The following DMBT1 variants were observed in gnomAD, a reference collection of about 807,000 sequenced individuals.
DMBT1 encodes scavenger receptor cysteine-rich domain-containing protein DMBT1.
In DMBT1, 198 loss-of-function variants were observed where a neutral mutation model predicts 252.9. The ratio of observed to expected loss-of-function variants is 0.78; its 90% confidence interval spans 0.70 to 0.88. DMBT1 has a LOEUF of 0.88. DMBT1 is among the 40% of genes least tolerant of loss of function. DMBT1 has a pLI of 0.00. For synonymous variants in DMBT1, 990 were observed against 942.7 expected (o/e 1.05, Z -0.92); for missense variants, 2,432 against 2,404.7 (o/e 1.01, Z -0.24).
chr10:122,576,373 A>T, intron 6 of DMBT1, 26 bp from the exon 7 acceptor site: 1 of 1,610,538 alleles, frequency 6.2e-7, no homozygotes. Context: ...AGGAATGTGC[A>T]AGAGAAATTC....
rs538079484 is a variant in DMBT1, at chr10:122,629,947, G to C, written c.5776G>C (p.Glu1926Gln). The change falls in exon 47 of 56, where the codon GAA becomes CAA. Residue 1926 changes from glutamate to glutamine, a missense_variant. By Grantham distance (29) the Glu-to-Gln change is conservative (BLOSUM62 2). Coordinates refer to ENST00000338354, the MANE Select transcript of DMBT1 (RefSeq NM_001377530.1). ...CAATGCTAAGTGTGTTTGGGAAATA[G>C]AAGTGAATTCTGGTTATCGCATAAA... ...PNNAKCVWEI[E>Q]VNSGYRINLG... The C allele has an allele frequency of 6.2e-7, 1 of 1,614,022 alleles. No individual in the cohort carries two copies. Among genetic ancestry groups the C allele is most frequent in the African/African-American group, 1.3e-5 (1 of 75,040 alleles).
intron 6 of DMBT1, 92 bp downstream of exon 6, chr10:122,573,854 A>G (rs1385041690): frequency 1.3e-6 from 2 of 1,512,000 alleles, no homozygotes; most frequent in Non-Finnish European, 1.8e-6. Context: ...GAGGGCATAG[A>G]AAGTAGGGTG....
At position 122,635,971 on chromosome 10, in the gene DMBT1, G is replaced by T. The variant is rs1227548395; in HGVS notation, c.6549-20G>T. 1.2e-6 allele frequency: 2 copies of T among 1,613,314 alleles called. No individual in the cohort carries two copies. Among genetic ancestry groups the T allele is most frequent in the South Asian group, 1.1e-5 (1 of 91,048 alleles). ...ATTCTGGGAGGAAATGAAGCCAAATGGTGTGTCCTCTCTCTGCAGGCTTGA... is the reference window on the plus strand; with the variant it reads ...ATTCTGGGAGGAAATGAAGCCAAATTGTGTGTCCTCTCTCTGCAGGCTTGA... On this transcript the variant is annotated intron_variant, in intron 52 of 55. Coordinates refer to ENST00000338354, the MANE Select transcript of DMBT1 (RefSeq NM_001377530.1).
At chr10:122,566,325 C>CTTTT (rs71026026) in intron 2 of DMBT1, among the ~76,000 whole-genome samples, 1 of 148,450 alleles carries the variant, frequency 6.7e-6, no homozygotes, top group Admixed American at 6.7e-5. Flanking sequence ...TTTCTTTTTT[C>CTTTT]TTTTTGAGAT....
intron 24 of DMBT1, among the ~76,000 whole-genome samples, chr10:122,597,656 G>A (rs540533761): frequency 1.3e-5 from 2 of 152,304 alleles, no homozygotes; most frequent in South Asian, 2.1e-4. Flanking sequence ...ATTTTAGCTC[G>A]AGCTAGTAGA....
Position 122,561,828 on chromosome 10 carries a change from C to T in DMBT1, c.61+997C>T, listed in dbSNP as rs192177086. On this transcript the variant is annotated intron_variant, in intron 1 of 55. Transcript: ENST00000338354. The stretch of plus-strand genomic sequence containing the variant: ...ATCAGGCAGTTATTACCTTTCCTCC[C>T]TCCCTCCTCCTCCTTCTCTGTTTCT... Among the ~76,000 whole-genome samples, 303 of 150,824 alleles carry T rather than the reference C, an allele frequency of 2.0e-3. 2 individuals are homozygous for T. Among genetic ancestry groups the T allele is most frequent in the African/African-American group, 6.9e-3 (281 of 40,978 alleles).
chr10:122,624,745 T>C (rs1045656538), intron 44 of DMBT1, among the ~76,000 whole-genome samples: 3 of 152,186 alleles, frequency 2.0e-5, no homozygotes, highest in African/African-American at 7.2e-5. Flanking sequence ...TCCTGGATGA[T>C]GTGTGCTGCT....
chr10:122,641,700 C>T (rs1844558753), intron 55 of DMBT1, among the ~76,000 whole-genome samples: 1 of 152,152 alleles, frequency 6.6e-6, no homozygotes, highest in Non-Finnish European at 1.5e-5. Context: ...CTTAGTTCTT[C>T]CTTGCCAAAG....
intron 44 of DMBT1, among the ~76,000 whole-genome samples, chr10:122,624,089 A>G (rs1591506392): frequency 6.6e-6 from 1 of 152,154 alleles, no homozygotes; most frequent in South Asian, 2.1e-4. Flanking sequence ...AGTCAGCCAG[A>G]GGTGGAGAGG....
chr10:122,637,655 C>T (rs2098238207), intron 54 of DMBT1, among the ~76,000 whole-genome samples: 1 of 152,146 alleles, frequency 6.6e-6, no homozygotes, highest in Non-Finnish European at 1.5e-5. Flanking sequence ...GGGTGAGAGG[C>T]AGGTGTTGAG....
At chr10:122,628,276 A>G (rs2133661577) in intron 46 of DMBT1, among the ~76,000 whole-genome samples, 1 of 152,368 alleles carries the variant, frequency 6.6e-6, no homozygotes, top group Admixed American at 6.5e-5. Context: ...GCAAATGTCC[A>G]TCATGGTGAA....
intron 2 of DMBT1, among the ~76,000 whole-genome samples, chr10:122,569,541 C>T (rs2097641507): frequency 6.6e-6 from 1 of 152,126 alleles, no homozygotes; most frequent in South Asian, 2.1e-4. Context: ...GGCGTGTTCC[C>T]CAAAGAGGAG....
intron 47 of DMBT1, 52 bp downstream of exon 47, chr10:122,630,045 C>T: frequency 6.2e-7 from 1 of 1,605,900 alleles, no homozygotes; most frequent in Non-Finnish European, 8.5e-7. Context: ...GCAGCACACC[C>T]ACTGGTTTAG....
chr10:122,579,076 T>C (rs1412437251), intron 9 of DMBT1, among the ~76,000 whole-genome samples: 2 of 151,996 alleles, frequency 1.3e-5, no homozygotes, highest in African/African-American at 2.4e-5. Context: ...TTAGATGTGA[T>C]ATTGGAGGGT....
chr10:122,598,899 A>C lies in DMBT1; in HGVS notation c.3082A>C (p.Asn1028His), dbSNP rs370180219. 118 of 1,613,796 alleles carry C rather than the reference A, an allele frequency of 7.3e-5. No homozygotes were observed. In the African/African-American group the frequency reaches 1.4e-3, roughly 19 times the overall value. The change falls in exon 26 of 56, where the codon AAT (asparagine) becomes CAT (histidine). Residue 1028 changes from asparagine to histidine, a missense_variant. By Grantham distance (68) the Asn-to-His change is moderately conservative. Transcript: ENST00000338354. ...TGACAGCTGGGACACCAATGATGCCAATGTCGTCTGCAGGCAACTGGGCTG... is the reference window on the plus strand; with the variant it reads ...TGACAGCTGGGACACCAATGATGCCCATGTCGTCTGCAGGCAACTGGGCTG... ...CDDSWDTNDA[N>H]VVCRQLGCGW...
At chr10:122,577,785 C>G in intron 7 of DMBT1, 26 bp from the exon 8 acceptor site, 1 of 1,613,518 alleles carries the variant, frequency 6.2e-7, no homozygotes, top group Non-Finnish European at 8.5e-7. Flanking sequence ...TGTTTGGTGT[C>G]TAATGTTGCT....
chr10:122,632,834 A>G (rs760761449), intron 50 of DMBT1, 27 bp from the exon 51 acceptor site: 33 of 1,612,806 alleles, frequency 2.0e-5, no homozygotes, highest in East Asian at 4.5e-5. Flanking sequence ...CAGAAAACTG[A>G]TCCTGATCTT....
At chr10:122,590,393 A>G (rs1021889123) in intron 17 of DMBT1, among the ~76,000 whole-genome samples, 1 of 148,820 alleles carries the variant, frequency 6.7e-6, no homozygotes, top group Middle Eastern at 3.4e-3. Context: ...AGGGACTGCT[A>G]AGACGTGTAA....
intron 18 of DMBT1, 75 bp from the exon 19 acceptor site, chr10:122,591,404 G>A: frequency 2.1e-6 from 3 of 1,451,364 alleles, no homozygotes; most frequent in Non-Finnish European, 2.9e-6. Context: ...TGCTTGCCTT[G>A]TCCAGAGACC....
Sources: allele counts gnomAD v4.1 joint callset (sites outside exome capture counted in the v4.1 genomes callset), GRCh38; gene constraint gnomAD v4.1.1; transcripts MANE v1.5; gene names NCBI Gene and HGNC (gene_info 2026-07-23, HGNC 2026-07-21).